The following GTF2H1 variants were observed in gnomAD, a reference collection of about 807,000 sequenced individuals.
GTF2H1 encodes general transcription factor IIH subunit 1, also known as BTF2 p62.
GTF2H1 carries 16 observed loss-of-function variants against 71.2 expected under a neutral mutation model. That is an observed-to-expected ratio of 0.22 (90% CI 0.15 to 0.34). The LOEUF is 0.34. Ranked by LOEUF, GTF2H1 falls within the 10% of genes least tolerant of loss-of-function variation. The probability of loss-of-function intolerance (pLI) is 1.00; values close to 1 mark genes in which losing one functional copy is unlikely to be tolerated. For missense variants in GTF2H1, 498 were observed against 648.2 expected (o/e 0.77, Z 2.52); for synonymous variants, 215 against 219.0 (o/e 0.98, Z 0.16).
At position 18,336,328 on chromosome 11, in the gene GTF2H1, T is replaced by C. The variant is rs187024285; in HGVS notation, c.347+382T>C. On this transcript the variant is annotated intron_variant, in intron 3 of 14. Coordinates refer to ENST00000265963, the MANE Select transcript of GTF2H1 (RefSeq NM_005316.4). ...TTTTAATAGAGACAGGGTTTCACCA[T>C]GTTGGTCAGGCTGGTCTCGAACTTC... 3.5e-4 allele frequency among the ~76,000 whole-genome samples: 53 copies of C among 152,234 alleles called. 1 individual carries two copies. In the East Asian group the frequency reaches 9.3e-3, roughly 27 times the overall value.
intron 2 of GTF2H1, among the ~76,000 whole-genome samples, chr11:18,335,447 AG>A (rs1353551017): frequency 6.6e-6 from 1 of 152,246 alleles, no homozygotes; most frequent in Non-Finnish European, 1.5e-5. Context: ...GAAGCTTTAA[AG>A]AGGTCTGCCC....
intron 9 of GTF2H1, among the ~76,000 whole-genome samples, chr11:18,351,178 C>T (rs954984969): frequency 6.6e-6 from 1 of 151,576 alleles, no homozygotes; most frequent in Admixed American, 6.6e-5. Flanking sequence ...CTGTAATCTC[C>T]GCAATTTAGG....
chr11:18,327,835 C>T (rs1211663634), intron 1 of GTF2H1, among the ~76,000 whole-genome samples: 5 of 152,272 alleles, frequency 3.3e-5, no homozygotes, highest in South Asian at 2.1e-4. Flanking sequence ...GCAGTCTGTC[C>T]GCCTCGGCTT....
chr11:18,343,230 G>A (rs1865203791), intron 7 of GTF2H1, among the ~76,000 whole-genome samples: 8 of 152,110 alleles, frequency 5.3e-5, no homozygotes, highest in Admixed American at 4.6e-4. Context: ...CCCAAGCCCA[G>A]TTTTTTTGTT....
chr11:18,334,970 T>TA (rs200843462), intron 2 of GTF2H1, among the ~76,000 whole-genome samples: 17 of 152,082 alleles, frequency 1.1e-4, no homozygotes, highest in African/African-American at 3.9e-4. Flanking sequence ...TTTTTTATTT[T>TA]AAAAAAAACG....
intron 2 of GTF2H1, 58 bp downstream of exon 2, chr11:18,333,286 G>T: frequency 1.6e-6 from 2 of 1,238,902 alleles, no homozygotes. Context: ...TAGTAATTTT[G>T]TAAAGAGATT....
At chr11:18,352,208 TCTTTA>T (rs1865443889) in intron 10 of GTF2H1, 116 bp from the exon 11 acceptor site, 1 of 651,776 alleles carries the variant, frequency 1.5e-6, no homozygotes, top group Admixed American at 2.5e-5. Context: ...TATTGAAATC[TCTTTA>T]CTTATCGTTT....
chr11:18,325,551 A>G (rs1328902491), intron 1 of GTF2H1, among the ~76,000 whole-genome samples: 3 of 152,240 alleles, frequency 2.0e-5, no homozygotes, highest in African/African-American at 7.2e-5. Context: ...GCCCTCCCTT[A>G]TGAAGCTTGC....
At chr11:18,348,324 CA>C in intron 9 of GTF2H1, 1 of 279,808 alleles carries the variant, frequency 3.6e-6, no homozygotes, top group Non-Finnish European at 6.6e-6. Context: ...CCTAGCATTT[CA>C]GAGCTGAAAG....
intron 7 of GTF2H1, among the ~76,000 whole-genome samples, chr11:18,343,822 G>A (rs1865220888): frequency 6.6e-6 from 1 of 152,078 alleles, no homozygotes; most frequent in African/African-American, 2.4e-5. Context: ...CTGGGAGTCG[G>A]CGAGTCTCCT....
intron 11 of GTF2H1, among the ~76,000 whole-genome samples, chr11:18,354,607 G>T (rs971807656): frequency 6.6e-6 from 1 of 151,978 alleles, no homozygotes; most frequent in East Asian, 1.9e-4. Context: ...CTTACATCTG[G>T]TAGTTTTTTT....
intron 7 of GTF2H1, among the ~76,000 whole-genome samples, chr11:18,342,173 C>A (rs1865171668): frequency 6.6e-6 from 1 of 151,820 alleles, no homozygotes; most frequent in South Asian, 2.1e-4. Flanking sequence ...GTCTTCTAGG[C>A]CAGAACTTGT....
chr11:18,352,175 C>T lies in GTF2H1; in HGVS notation c.1143-154C>T, dbSNP rs185085140. On this transcript the variant is annotated intron_variant, in intron 10 of 14. Coordinates refer to ENST00000265963, the MANE Select transcript of GTF2H1 (RefSeq NM_005316.4). ...TCTTTCTGCTGTTGCTTTCTTATTG[C>T]CCTTATGGGAATTAAATTATTTTAT... 7.1e-3 allele frequency: 4,472 copies of T among 633,694 alleles called. 24 individuals carry two copies. Among genetic ancestry groups the T allele is most frequent in the Non-Finnish European group, 8.0e-3 (2,790 of 350,756 alleles). 39.3% of individuals were successfully genotyped at this position (633,694 alleles called of 1,614,324 possible).
rs987171552 is a variant in GTF2H1, at chr11:18,330,391, C to T, written c.-15-2669C>T. On this transcript the variant is annotated intron_variant, in intron 1 of 14. Coordinates refer to ENST00000265963, the MANE Select transcript of GTF2H1 (RefSeq NM_005316.4). ...AGGAAAATATGTTGCAAGAAAGCAA[C>T]GTGCAGATTAGCAAGCGGAGAGCTG... Among the ~76,000 whole-genome samples, 7 of 152,240 alleles carry T rather than the reference C, an allele frequency of 4.6e-5. No individual in the cohort carries two copies. In the East Asian group the frequency reaches 5.8e-4, roughly 13 times the overall value.
chr11:18,343,264 G>A (rs1865204521), intron 7 of GTF2H1, among the ~76,000 whole-genome samples: 1 of 152,122 alleles, frequency 6.6e-6, no homozygotes. Flanking sequence ...TCCTTAGTGA[G>A]GCTAATAGTA....
intron 1 of GTF2H1, among the ~76,000 whole-genome samples, chr11:18,326,906 T>G (rs1050050007): frequency 6.6e-6 from 1 of 152,158 alleles, no homozygotes; most frequent in Admixed American, 6.5e-5. Flanking sequence ...TGCAGTCCAG[T>G]TTCATATTCT....
At chr11:18,360,499 T>C in intron 13 of GTF2H1, 116 bp from the exon 14 acceptor site, 1 of 546,602 alleles carries the variant, frequency 1.8e-6, no homozygotes, top group Non-Finnish European at 3.2e-6. Context: ...TTATTTTATT[T>C]TTACATTTAA....
intron 11 of GTF2H1, among the ~76,000 whole-genome samples, chr11:18,357,116 T>A (rs1865572775): frequency 6.6e-6 from 1 of 152,176 alleles, no homozygotes; most frequent in Non-Finnish European, 1.5e-5. Context: ...TTTCATCCAA[T>A]CTATACATGG....
At chr11:18,356,417 A>G (rs1865547391) in intron 11 of GTF2H1, among the ~76,000 whole-genome samples, 1 of 151,708 alleles carries the variant, frequency 6.6e-6, no homozygotes, top group African/African-American at 2.4e-5. Context: ...CTAGGTATAC[A>G]TTGGGGTGTC....
Sources: allele counts gnomAD v4.1 joint callset (sites outside exome capture counted in the v4.1 genomes callset), GRCh38; gene constraint gnomAD v4.1.1; transcripts MANE v1.5; gene names NCBI Gene and HGNC (gene_info 2026-07-23, HGNC 2026-07-21).